The following RBM45 variants were observed in gnomAD, a reference collection of about 807,000 sequenced individuals.
RBM45 encodes RNA-binding protein 45.
Under a neutral mutation model 58.5 loss-of-function variants are expected in RBM45, and 39 were observed. The ratio of observed to expected loss-of-function variants is 0.67; its 90% CI spans 0.52 to 0.87. The LOEUF (loss-of-function observed/expected upper bound fraction) is 0.87. Ranked by LOEUF, RBM45 falls within the 40% of genes least tolerant of loss-of-function variation. The pLI, the probability that RBM45 is intolerant of heterozygous loss-of-function variation, is 0.00. For missense variants in RBM45, 481 were observed against 581.6 expected (o/e 0.83, Z 1.78); for synonymous variants, 193 against 203.0 (o/e 0.95, Z 0.42).
chr2:178,120,255 T>C (rs1308272456), intron 3 of RBM45, 32 bp from the exon 4 acceptor site: 2 of 1,611,368 alleles, frequency 1.2e-6, no homozygotes, highest in Non-Finnish European at 1.7e-6. Context: ...TTAAATTTGC[T>C]GTGAAACTTG....
downstream of RBM45, among the ~76,000 whole-genome samples, chr2:178,131,243 A>G (rs185885378): frequency 6.6e-6 from 1 of 152,244 alleles, no homozygotes; most frequent in African/African-American, 2.4e-5. Context: ...ATTGTTCCTT[A>G]CAAGTTATTG....
At position 178,112,615 on chromosome 2, in the gene RBM45, GC is replaced by G; in HGVS notation, c.72del (p.Asn25ThrfsTer7). On this transcript the variant is annotated frameshift_variant, in exon 1 of 10. Coordinates refer to ENST00000286070, the MANE Select transcript of RBM45 (RefSeq NM_152945.4). LOFTEE classifies it high-confidence loss of function. ...RPGVDSLDEP[P>X]NSRIFLVISK... ...CGGGCGTGGACAGCCTGGACGAACC[GC>G]CCAACAGCCGCATCTTCCTTGTGAT... 6.2e-7 allele frequency: 1 copy of G among 1,613,746 alleles called. No individual in the cohort carries two copies. Among genetic ancestry groups the G allele is most frequent in the South Asian group, 1.1e-5 (1 of 91,064 alleles).
chr2:178,118,319 T>A, intron 3 of RBM45, 138 bp downstream of exon 3: 1 of 826,580 alleles, frequency 1.2e-6, no homozygotes, highest in Admixed American at 3.2e-5. Flanking sequence ...ATATTTACAG[T>A]CCAAGGAAGA....
At chr2:178,122,474 C>G (rs1038759583) in intron 5 of RBM45, among the ~76,000 whole-genome samples, 1 of 152,194 alleles carries the variant, frequency 6.6e-6, no homozygotes, top group Non-Finnish European at 1.5e-5. Context: ...GTAGAACTGT[C>G]TTTGAGCCAT....
At chr2:178,114,186 TA>T (rs939621865) in intron 1 of RBM45, among the ~76,000 whole-genome samples, 1 of 152,230 alleles carries the variant, frequency 6.6e-6, no homozygotes, top group Non-Finnish European at 1.5e-5. Context: ...TTACAGTCCT[TA>T]AAAACTGTAA....
chr2:178,115,263 T>C (rs2087756604), intron 1 of RBM45, among the ~76,000 whole-genome samples: 2 of 152,240 alleles, frequency 1.3e-5, no homozygotes, highest in Admixed American at 6.5e-5. Flanking sequence ...TTTACGTATG[T>C]TCTACATAGA....
intron 3 of RBM45, among the ~76,000 whole-genome samples, chr2:178,135,876 T>A (rs1384175813): frequency 1.3e-5 from 2 of 152,210 alleles, no homozygotes; most frequent in Non-Finnish European, 2.9e-5. Context: ...AGAAAATTTA[T>A]ATCAATCATA....
intron 9 of RBM45, among the ~76,000 whole-genome samples, chr2:178,128,811 A>G (rs1367264402): frequency 6.6e-6 from 1 of 152,198 alleles, no homozygotes; most frequent in Non-Finnish European, 1.5e-5. Flanking sequence ...GGACTCCATT[A>G]TGAGATTCTT....
intron 1 of RBM45, among the ~76,000 whole-genome samples, chr2:178,115,950 C>T (rs1238235280): frequency 6.6e-6 from 1 of 151,898 alleles, no homozygotes; most frequent in African/African-American, 2.4e-5. Flanking sequence ...CCCAGGAATT[C>T]ATGACCATCC....
chr2:178,138,545 C>G (rs334066), exon 4 of RBM45: 1 of 151,960 alleles, frequency 6.6e-6, no homozygotes, highest in Non-Finnish European at 1.5e-5. Flanking sequence ...GCCCAAGATT[C>G]CTCTACTCAT....
rs1431085114 is a variant in RBM45 at position 178,121,220 on chromosome 2, C to G, written c.714C>G (p.Ser238Arg). The part of the protein sequence containing the change: ...SEFSSFDKND[S>R]RGQEAISKRL... The stretch of plus-strand genomic sequence containing the variant: ...TTTCAAGTTTTGACAAGAATGATAG[C>G]CGAGGCCAGGAAGCAATCTCCAAAC... Residue 238 changes from serine to arginine, a missense_variant, in exon 5 of 10, where the codon AGC (serine) becomes AGG (arginine). Coordinates refer to ENST00000286070, the MANE Select transcript of RBM45 (RefSeq NM_152945.4). 3 of 1,579,904 alleles carry G rather than the reference C, an allele frequency of 1.9e-6. No homozygotes were observed. Among genetic ancestry groups the G allele is most frequent in the Non-Finnish European group, 2.6e-6 (3 of 1,161,296 alleles).
rs77408835 is a variant in RBM45 at position 178,113,889 on chromosome 2, A to G, written c.300+1043A>G. Reference sequence around the variant, plus strand: ...TTTCCAAACTGAGAATGGTATTAATATGGATTTATGTAAATAAAGGGCTCA... The same window carrying G: ...TTTCCAAACTGAGAATGGTATTAATGTGGATTTATGTAAATAAAGGGCTCA... On this transcript the variant is annotated intron_variant, in intron 1 of 9. Transcript: ENST00000286070. 2.5e-3 allele frequency among the ~76,000 whole-genome samples: 384 copies of G among 152,314 alleles called. 4 individuals are homozygous for G. Among genetic ancestry groups the G allele is most frequent in the Non-Finnish European group, 3.9e-3 (266 of 68,028 alleles).
At chr2:178,127,080 G>A (rs1389929873) in intron 9 of RBM45, among the ~76,000 whole-genome samples, 2 of 152,070 alleles carry the variant, frequency 1.3e-5, no homozygotes, top group Non-Finnish European at 2.9e-5. Flanking sequence ...GGGACTACAG[G>A]CGCGTACCAC....
Position 178,116,403 on chromosome 2 carries a change from T to C in RBM45, c.423+19T>C. The C allele has an allele frequency of 6.3e-7, 1 of 1,594,870 alleles. No homozygotes were observed. Among genetic ancestry groups the C allele is most frequent in the Non-Finnish European group, 8.5e-7 (1 of 1,172,946 alleles). On this transcript the variant is annotated intron_variant, in intron 2 of 9. Transcript: ENST00000286070. ...ATTTAAGGTATTTATTCTAATCAGC[T>C]AGCATATGTGATAACTCATAGTCCT...
chr2:178,121,985 G>A (rs558809901), intron 5 of RBM45, among the ~76,000 whole-genome samples: 2 of 152,182 alleles, frequency 1.3e-5, no homozygotes, highest in South Asian at 2.1e-4. Flanking sequence ...TTTGTTAATG[G>A]AGGCATTGTG....
chr2:178,131,783 TCA>T (rs1403072295), downstream of RBM45, among the ~76,000 whole-genome samples: 1 of 152,330 alleles, frequency 6.6e-6, no homozygotes, highest in East Asian at 1.9e-4. Context: ...CTTAATCCTC[TCA>T]GTTATTTAGC....
At chr2:178,121,383 A>AAT (rs747593675) in intron 5 of RBM45, 24 bp downstream of exon 5, 195 of 1,118,630 alleles carry the variant, frequency 1.7e-4, no homozygotes, top group Admixed American at 2.8e-4. Flanking sequence ...CACATTAAAA[A>AAT]ATATATATAT....
intron 9 of RBM45, among the ~76,000 whole-genome samples, chr2:178,126,642 TC>T (rs1354934648): frequency 6.6e-6 from 1 of 152,200 alleles, no homozygotes; most frequent in African/African-American, 2.4e-5. Context: ...AAAAGCAATA[TC>T]AAATAATATA....
intron 5 of RBM45, among the ~76,000 whole-genome samples, chr2:178,122,093 C>T (rs1309679300): frequency 6.6e-6 from 1 of 152,168 alleles, no homozygotes; most frequent in East Asian, 1.9e-4. Flanking sequence ...TGCTTATCCC[C>T]TCTGAGCCTC....
Sources: allele counts gnomAD v4.1 joint callset (sites outside exome capture counted in the v4.1 genomes callset), GRCh38; gene constraint gnomAD v4.1.1; transcripts MANE v1.5; gene names NCBI Gene and HGNC (gene_info 2026-07-23, HGNC 2026-07-21).